LINGO2: variants seen among roughly 807,000 people sequenced by gnomAD.
LINGO2 encodes the protein leucine-rich repeat and immunoglobulin-like domain-containing nogo receptor-interacting protein 2.
LINGO2 carries 14 observed loss-of-function variants against 30.6 expected under a neutral mutation model. The ratio of observed to expected loss-of-function variants is 0.46; its 90% confidence interval spans 0.30 to 0.72. The LOEUF (loss-of-function observed/expected upper bound fraction) is 0.72. Ranked by LOEUF, LINGO2 falls within the 30% of genes least tolerant of loss-of-function variation. The probability of loss-of-function intolerance (pLI) is 0.07; values close to 1 mark genes in which losing one functional copy is unlikely to be tolerated. For missense variants in LINGO2, 729 were observed against 751.7 expected, an observed-to-expected ratio of 0.97 and a Z score of 0.35; for synonymous variants, 317 against 288.5, an observed-to-expected ratio of 1.10 and a Z score of -1.00.
chr9:28,850,100 T>C, the LINGO2 span, among the ~76,000 whole-genome samples: 2 of 152,024 alleles, frequency 1.3e-5, no homozygotes, highest in African/African-American at 2.4e-5. Flanking sequence ...GGAGTATGGA[T>C]ACTTAATTAA....
At chr9:29,161,871 T>A in the LINGO2 span, among the ~76,000 whole-genome samples, 9 of 152,048 alleles carry the variant, frequency 5.9e-5, no homozygotes, top group African/African-American at 2.2e-4. Flanking sequence ...AATACTAACC[T>A]CATCACAGTT....
chr9:29,006,536 A>G, the LINGO2 span, among the ~76,000 whole-genome samples: 1 of 152,034 alleles, frequency 6.6e-6, no homozygotes, highest in Admixed American at 6.6e-5. Context: ...AGACATAAAA[A>G]TCATTAATAA....
intron 4 of LINGO2, among the ~76,000 whole-genome samples, chr9:28,137,884 A>T (rs1827562824): frequency 6.6e-6 from 1 of 152,166 alleles, no homozygotes; most frequent in Non-Finnish European, 1.5e-5. Context: ...ATAAAAGTTT[A>T]TGTGAGAATA....
chr9:28,184,191 G>A (rs1234624412), intron 4 of LINGO2, among the ~76,000 whole-genome samples: 1 of 152,168 alleles, frequency 6.6e-6, no homozygotes, highest in Non-Finnish European at 1.5e-5. Flanking sequence ...AATGGGAAAA[G>A]GGGAGGTAGG....
chr9:28,059,881 C>T (rs574889608), intron 4 of LINGO2, among the ~76,000 whole-genome samples: 5 of 151,826 alleles, frequency 3.3e-5, no homozygotes, highest in African/African-American at 1.2e-4. Flanking sequence ...TAAGTACATG[C>T]AAATAGAAGA....
Position 28,329,469 on chromosome 9 carries a change from G to A in LINGO2, c.-245-34103C>T, listed in dbSNP as rs150800893. ...CGGCCAAGTCATTATTTCTTGTCAT[G>A]TATATACAAGTTTTGCTCCTGTTCA... On this transcript the variant is annotated intron_variant, in intron 3 of 5. Transcript: ENST00000379992. The surrounding 1 kb of genome is among the most constrained non-coding windows in gnomAD (Gnocchi z 4.5). Among the ~76,000 whole-genome samples the A allele has an allele frequency of 8.0e-3, 1,224 of 152,220 alleles. 6 individuals carry two copies. The highest frequency in any genetic ancestry group is 0.011 in the Non-Finnish European group (738 of 68,012).
chr9:28,516,646 G>A (rs1456949552), intron 1 of LINGO2, among the ~76,000 whole-genome samples: 3 of 152,142 alleles, frequency 2.0e-5, no homozygotes, highest in African/African-American at 4.8e-5. Context: ...TAAAACCAAG[G>A]TGTAAAAACC....
chr9:27,975,568 C>T (rs568569328), intron 5 of LINGO2, among the ~76,000 whole-genome samples: 29 of 152,210 alleles, frequency 1.9e-4, no homozygotes, highest in African/African-American at 6.7e-4. Context: ...ATCCAGCACA[C>T]ACAAGTACCT....
intron 1 of LINGO2, among the ~76,000 whole-genome samples, chr9:28,584,547 G>T (rs17832776): frequency 0.037 from 5,547 of 151,656 alleles, 123 homozygotes; most frequent in African/African-American, 0.049. Context: ...GTAAGGAATT[G>T]ACCAAAAAAA....
intron 4 of LINGO2, among the ~76,000 whole-genome samples, chr9:28,102,387 G>A (rs1330839052): frequency 6.6e-6 from 1 of 152,008 alleles, no homozygotes; most frequent in African/African-American, 2.4e-5. Flanking sequence ...ATCCCTAGCT[G>A]CCAGAAATGA....
chr9:29,038,531 G>A, the LINGO2 span, among the ~76,000 whole-genome samples: 1 of 151,674 alleles, frequency 6.6e-6, no homozygotes, highest in Non-Finnish European at 1.5e-5. Flanking sequence ...AACAGAATTT[G>A]CTGATATAGC....
chr9:28,720,738 G>A, the LINGO2 span, among the ~76,000 whole-genome samples: 2 of 152,044 alleles, frequency 1.3e-5, no homozygotes, highest in African/African-American at 2.4e-5. Context: ...TTCAATGTTA[G>A]AAGATTGGAG....
chr9:29,054,973 C>T, the LINGO2 span, among the ~76,000 whole-genome samples: 1 of 152,078 alleles, frequency 6.6e-6, no homozygotes, highest in African/African-American at 2.4e-5. Context: ...AATCCCAGCA[C>T]TTAGGGAGGC....
At chr9:28,977,132 C>G in the LINGO2 span, among the ~76,000 whole-genome samples, 1 of 152,044 alleles carries the variant, frequency 6.6e-6, no homozygotes, top group Middle Eastern at 3.2e-3. Flanking sequence ...CTTCTCATAA[C>G]TCAGGTACTC....
chr9:27,984,829 A>G (rs1308811367), intron 5 of LINGO2, among the ~76,000 whole-genome samples: 1 of 151,854 alleles, frequency 6.6e-6, no homozygotes, highest in Non-Finnish European at 1.5e-5. Context: ...TGGCATTAGT[A>G]TTATCTCCAT....
At chr9:29,178,028 T>C in the LINGO2 span, among the ~76,000 whole-genome samples, 1 of 151,944 alleles carries the variant, frequency 6.6e-6, no homozygotes, top group African/African-American at 2.4e-5. Flanking sequence ...TCTCTGCTCC[T>C]TTTTTCCTAA....
At chr9:28,371,159 T>G (rs1165393683) in intron 3 of LINGO2, among the ~76,000 whole-genome samples, 2 of 152,222 alleles carry the variant, frequency 1.3e-5, no homozygotes, top group East Asian at 3.8e-4. Flanking sequence ...CTTTTTTAAT[T>G]TCTCCATAAG....
chr9:28,925,864 A>C, the LINGO2 span, among the ~76,000 whole-genome samples: 1 of 152,136 alleles, frequency 6.6e-6, no homozygotes, highest in Non-Finnish European at 1.5e-5. Context: ...TTTCACTTAC[A>C]AGCAGTGAGT....
At chr9:28,253,454 G>T (rs1019899028) in intron 4 of LINGO2, among the ~76,000 whole-genome samples, 1 of 152,158 alleles carries the variant, frequency 6.6e-6, no homozygotes, top group Non-Finnish European at 1.5e-5. Context: ...AGATGAGTGA[G>T]AAAGCATTCT....
Sources: allele counts gnomAD v4.1 joint callset (sites outside exome capture counted in the v4.1 genomes callset), GRCh38; gene constraint gnomAD v4.1.1; non-coding constraint Gnocchi (gnomAD v3.1); transcripts MANE v1.5; gene names NCBI Gene and HGNC (gene_info 2026-07-23, HGNC 2026-07-21).